The following PARP1 variants were observed in gnomAD, a reference collection of about 807,000 sequenced individuals.
PARP1 encodes the protein poly(ADP-ribose) polymerase 1.
PARP1 carries 44 observed loss-of-function variants against 118.7 expected under a neutral mutation model. That is an observed-to-expected ratio of 0.37 (90% CI 0.29 to 0.48). PARP1 has a LOEUF of 0.48. Ranked by LOEUF, PARP1 falls within the 20% of genes least tolerant of loss-of-function variation. The probability of loss-of-function intolerance (pLI) is 0.99; values close to 1 mark genes in which losing one functional copy is unlikely to be tolerated. For synonymous variants in PARP1, 492 were observed against 483.2 expected (o/e 1.02, Z -0.24); for missense variants, 1,100 against 1,272.4 (o/e 0.86, Z 2.06).
chr1:226,373,402 G>A (rs1664429994), intron 14 of PARP1, among the ~76,000 whole-genome samples: 1 of 152,192 alleles, frequency 6.6e-6, no homozygotes. Context: ...GGGTAGAGAG[G>A]AGAGGGTGTT....
At chr1:226,392,508 A>G in intron 2 of PARP1, 194 bp from the exon 3 acceptor site, 1 of 622,698 alleles carries the variant, frequency 1.6e-6, no homozygotes, top group East Asian at 2.8e-5. Flanking sequence ...TCTGGAGATA[A>G]ATGACCCTTC....
chr1:226,396,801 C>G (rs1343853293), intron 2 of PARP1, among the ~76,000 whole-genome samples: 1 of 152,062 alleles, frequency 6.6e-6, no homozygotes, highest in Non-Finnish European at 1.5e-5. Flanking sequence ...GGTGTGGTGG[C>G]ACACACCTGT....
chr1:226,388,587 T>C, intron 5 of PARP1, 69 bp downstream of exon 5: 1 of 1,105,618 alleles, frequency 9.0e-7, no homozygotes, highest in Admixed American at 1.7e-5. Flanking sequence ...CCTTGAATTG[T>C]CTTCCCAGAA....
intron 13 of PARP1, among the ~76,000 whole-genome samples, chr1:226,375,311 A>G (rs532112635): frequency 6.6e-6 from 1 of 152,360 alleles, no homozygotes; most frequent in Non-Finnish European, 1.5e-5. Flanking sequence ...ATTTAAGTGC[A>G]TCTACCTTAT....
At chr1:226,399,163 T>C (rs1664980043) in intron 2 of PARP1, among the ~76,000 whole-genome samples, 1 of 143,690 alleles carries the variant, frequency 7.0e-6, no homozygotes, top group Admixed American at 7.3e-5. Flanking sequence ...AACCTCCGCC[T>C]CCCAGTACAA....
chr1:226,367,958 T>C (rs1664305019), intron 16 of PARP1, among the ~76,000 whole-genome samples: 1 of 152,122 alleles, frequency 6.6e-6, no homozygotes, highest in Non-Finnish European at 1.5e-5. Flanking sequence ...AAGATGCTGT[T>C]ATGAGGGAGA....
chr1:226,361,629 A>C, intron 22 of PARP1, 88 bp from the exon 23 acceptor site: 1 of 966,576 alleles, frequency 1.0e-6, no homozygotes, highest in Admixed American at 1.8e-5. Context: ...CAGGACGCTC[A>C]GTGCCAGCCT....
chr1:226,390,510 G>A lies in PARP1; in HGVS notation c.517C>T (p.Arg173Trp), dbSNP rs147537486. 34 of 1,613,988 alleles carry A rather than the reference G, an allele frequency of 2.1e-5. No homozygotes were observed. Among genetic ancestry groups the A allele is most frequent in the South Asian group, 1.3e-4 (12 of 91,080 alleles). The change falls in exon 4 of 23, where the codon CGG becomes TGG. Residue 173 changes from arginine (R) to tryptophan (W), a missense_variant. By Grantham distance (101) the Arg-to-Trp change is moderately radical. Coordinates refer to ENST00000366794, the MANE Select transcript of PARP1 (RefSeq NM_001618.4). ...FVKNREELGFRPEYSASQLKG... is the reference protein window; with the variant it reads ...FVKNREELGFWPEYSASQLKG... Reference sequence around the variant, plus strand: ...AGCTGACTCGCACTGTACTCGGGCCGGAAACCCAGCTCCTCCCTGTTCTTG... The same window carrying A: ...AGCTGACTCGCACTGTACTCGGGCCAGAAACCCAGCTCCTCCCTGTTCTTG...
intron 8 of PARP1, 143 bp from the exon 9 acceptor site, chr1:226,381,351 C>G: frequency 1.1e-6 from 1 of 878,094 alleles, no homozygotes; most frequent in Non-Finnish European, 1.8e-6. Flanking sequence ...CAGGACGGGA[C>G]AGCAAGCTGC....
intron 7 of PARP1, among the ~76,000 whole-genome samples, chr1:226,384,190 T>C (rs891098089): frequency 2.0e-5 from 3 of 152,156 alleles, no homozygotes; most frequent in African/African-American, 7.2e-5. Context: ...CACGGTGGCA[T>C]GTGGGGTGCC....
rs777671240 is a variant in PARP1 at position 226,392,246 on chromosome 1, T to C, written c.355A>G (p.Lys119Glu). The C allele has an allele frequency of 6.2e-7, 1 of 1,614,006 alleles. No individual in the cohort carries two copies. The highest frequency in any genetic ancestry group is 8.5e-7 in the Non-Finnish European group (1 of 1,179,968). Residue 119 changes from lysine (K) to glutamate (E), a missense_variant, in exon 3 of 23, where the codon AAG becomes GAG. Physicochemically the swap from Lys to Glu is moderately conservative, Grantham distance 56. Around this residue, in one of 2 missense-constraint regions of PARP1, gnomAD observed 948 missense variants for 1,031.8 expected, o/e 0.92. Transcript: ENST00000366794. ...TLGDFAAEYA[K>E]SNRSTCKGCM... Reference sequence around the variant, plus strand: ...CCCTTGCACGTACTTCTGTTGGACTTGGCATACTCTGCTGCAAAGTCACCC... The same window carrying C: ...CCCTTGCACGTACTTCTGTTGGACTCGGCATACTCTGCTGCAAAGTCACCC...
rs749228641 is a variant in PARP1 at position 226,362,065 on chromosome 1, G to A, written c.2867C>T (p.Pro956Leu). 3.1e-6 allele frequency: 5 copies of A among 1,613,252 alleles called. No homozygotes were observed. The highest frequency in any genetic ancestry group is 3.3e-5 in the Admixed American group (2 of 60,014). ...CAGACTAATGTTAGCTGAAGGATCA[G>A]GGGTAGTTTTGCCCAAACCTGAAAA... ...HSVKGLGKTTPDPSANISLDG... is the reference protein window; with the variant it reads ...HSVKGLGKTTLDPSANISLDG... Residue 956 changes from proline to leucine, a missense_variant, in exon 22 of 23, where the codon CCT becomes CTT. Physicochemically the swap from Pro to Leu is moderately conservative, Grantham distance 98 (BLOSUM62 -3). Transcript: ENST00000366794.
rs1296408508 is a variant in PARP1 at position 226,388,804 on chromosome 1, G to C, written c.618-49C>G. ...AGACAGCCAGAGCCATTAAAAGTCT[G>C]ACACCCAATGACTTGCGGTGATGCA... On this transcript the variant is annotated intron_variant, in intron 4 of 22. Transcript: ENST00000366794. 4 of 1,358,652 alleles carry C rather than the reference G, an allele frequency of 2.9e-6. No homozygotes were observed. The Admixed American group carries it at 6.7e-5, about 23-fold the overall frequency. The allele number at this position is 1,358,652 out of a possible 1,614,324, so 84.2% of individuals were successfully genotyped here.
chr1:226,407,712 C>CCCGGGT, intron 1 of PARP1, 98 bp downstream of exon 1: 2 of 1,257,814 alleles, frequency 1.6e-6, no homozygotes, highest in East Asian at 3.9e-5. Flanking sequence ...AGGGCCCGGG[C>CCCGGGT]CCGCTCGCTC....
At chr1:226,393,143 G>T (rs974061701) in intron 2 of PARP1, among the ~76,000 whole-genome samples, 1 of 152,062 alleles carries the variant, frequency 6.6e-6, no homozygotes, top group South Asian at 2.1e-4. Context: ...TAGCAAATAC[G>T]CAGGGCACAC....
chr1:226,380,907 CTG>C (rs1305652485), intron 9 of PARP1, among the ~76,000 whole-genome samples, 159 bp downstream of exon 9: 1 of 152,178 alleles, frequency 6.6e-6, no homozygotes, highest in African/African-American at 2.4e-5. Flanking sequence ...AGCAGCAACA[CTG>C]AGAGCAAATA....
chr1:226,385,742 T>C (rs1395659175), intron 6 of PARP1, 62 bp from the exon 7 acceptor site: 1 of 1,424,762 alleles, frequency 7.0e-7, no homozygotes, highest in Non-Finnish European at 9.9e-7. Context: ...GGACACTTAC[T>C]AATGTGGGAT....
At chr1:226,361,629 A>T in intron 22 of PARP1, 88 bp from the exon 23 acceptor site, 1 of 966,576 alleles carries the variant, frequency 1.0e-6, no homozygotes, top group East Asian at 2.5e-5. Flanking sequence ...CAGGACGCTC[A>T]GTGCCAGCCT....
intron 12 of PARP1, among the ~76,000 whole-genome samples, chr1:226,378,368 C>G (rs556602138): frequency 4.6e-5 from 7 of 151,916 alleles, no homozygotes; most frequent in African/African-American, 1.7e-4. Flanking sequence ...CTGCTGTACC[C>G]CACCATCCAC....
Sources: gnomAD v4.1 joint callset for allele counts (sites outside exome capture counted in the v4.1 genomes callset) on GRCh38, gnomAD v4.1.1 for gene constraint, gnomAD v4.1.1 regional missense constraint, MANE v1.5 for transcripts, NCBI Gene and HGNC (gene_info 2026-07-23, HGNC 2026-07-21) for gene names.